ADAM22: variants seen among roughly 807,000 people sequenced by gnomAD.
ADAM22 encodes the protein ADAM metallopeptidase domain 22.
In ADAM22, 65 loss-of-function variants were observed where a neutral mutation model predicts 144.6. The ratio of observed to expected loss-of-function variants is 0.45; its 90% CI spans 0.37 to 0.55. The LOEUF (loss-of-function observed/expected upper bound fraction) is 0.55, where lower values mean the gene tolerates loss of function less well. Ranked by LOEUF, ADAM22 falls within the 20% of genes least tolerant of loss-of-function variation. The probability of loss-of-function intolerance (pLI) is 0.00; values close to 1 mark genes in which losing one functional copy is unlikely to be tolerated. For synonymous variants in ADAM22, 391 were observed against 412.6 expected, an observed-to-expected ratio of 0.95 and a Z score of 0.63; for missense variants, 974 against 1,184.9, an observed-to-expected ratio of 0.82 and a Z score of 2.61.
chr7:88,110,728 C>T lies in ADAM22; in HGVS notation c.473+2470C>T, dbSNP rs534820012. ...TCATTCATTCGTTCATTTGTTCGTT[C>T]GTTCATTCATTCTTTCTTTTGTTCA... On this transcript the variant is annotated intron_variant, in intron 5 of 31. Transcript: ENST00000413139. 4.2e-4 allele frequency among the ~76,000 whole-genome samples: 58 copies of T among 137,532 alleles called. No individual in the cohort carries two copies. In the South Asian group the frequency reaches 5.0e-3, roughly 12 times the overall value. 90.2% of individuals were successfully genotyped at this position (137,532 alleles called of 152,430 possible).
rs761842567 is a variant in ADAM22, at chr7:88,178,890, G to A, written c.2301-45G>A. ...AATATTTGTATATGTCTGTGTTCAT[G>A]TGTGTGTCTTGTTTTCTGACTCTGA... On this transcript the variant is annotated intron_variant, in intron 26 of 31. Transcript: ENST00000413139. 7.1e-6 allele frequency: 9 copies of A among 1,258,750 alleles called. No individual in the cohort carries two copies. In the Admixed American group the frequency reaches 1.0e-4, roughly 15 times the overall value. 78.0% of individuals were successfully genotyped at this position (1,258,750 alleles called of 1,614,324 possible). A position where few individuals can be genotyped will look rare whatever the true frequency, so the allele number is the denominator to read the frequency against.
rs145873771 is a variant in ADAM22, at chr7:87,984,723, C to T, written c.323+6311C>T. 2.3e-3 allele frequency among the ~76,000 whole-genome samples: 346 copies of T among 152,152 alleles called. 3 individuals carry two copies. Among genetic ancestry groups the T allele is most frequent in the African/African-American group, 7.8e-3 (323 of 41,482 alleles). The stretch of plus-strand genomic sequence containing the variant: ...TGAGACAGGTTCTTGCTCTGTTGCC[C>T]AGTCTGGAGTGCAATGGCGTGATCT... On this transcript the variant is annotated intron_variant, in intron 3 of 31. Transcript: ENST00000413139.
chr7:87,954,058 C>A (rs1845983728), intron 2 of ADAM22, among the ~76,000 whole-genome samples: 1 of 152,054 alleles, frequency 6.6e-6, no homozygotes, highest in Admixed American at 6.6e-5. Flanking sequence ...GATGGGTTTC[C>A]TGAATACAGC....
chr7:88,126,271 T>C (rs1390334302), intron 8 of ADAM22, among the ~76,000 whole-genome samples: 1 of 151,988 alleles, frequency 6.6e-6, no homozygotes. Context: ...ACTCGAATCA[T>C]AGAGCTGGTA....
chr7:88,181,450 C>A (rs974555225), intron 27 of ADAM22, 55 bp from the exon 28 acceptor site: 1 of 1,501,746 alleles, frequency 6.7e-7, no homozygotes, highest in Admixed American at 1.7e-5. Context: ...TTACTGATCT[C>A]AAAACATTCA....
chr7:88,196,174 A>C (rs1032826035), intron 31 of ADAM22, among the ~76,000 whole-genome samples: 1 of 152,196 alleles, frequency 6.6e-6, no homozygotes, highest in African/African-American at 2.4e-5. Flanking sequence ...AAATTCTTTT[A>C]TTTCATTTGA....
intron 4 of ADAM22, among the ~76,000 whole-genome samples, chr7:88,103,748 T>C (rs954435272): frequency 2.0e-5 from 3 of 152,156 alleles, no homozygotes; most frequent in African/African-American, 7.2e-5. Flanking sequence ...TTATTGTATA[T>C]AATACTTACT....
intron 3 of ADAM22, among the ~76,000 whole-genome samples, chr7:88,013,618 A>G (rs531117436): frequency 1.3e-5 from 2 of 152,104 alleles, no homozygotes; most frequent in East Asian, 3.9e-4. Context: ...TTATGTAGTC[A>G]GGGTCTTGCT....
intron 26 of ADAM22, among the ~76,000 whole-genome samples, chr7:88,173,714 G>A (rs955722826): frequency 2.6e-5 from 4 of 152,034 alleles, no homozygotes; most frequent in South Asian, 2.1e-4. Flanking sequence ...TTTCTTTGAG[G>A]TTCCATGGTA....
chr7:88,110,590 G>A (rs60532086), intron 5 of ADAM22, among the ~76,000 whole-genome samples: 12,526 of 146,114 alleles, frequency 0.086, 1,104 homozygotes, highest in African/African-American at 0.25. Flanking sequence ...GGCCGGGCAC[G>A]GTGGCTCACC....
intron 4 of ADAM22, among the ~76,000 whole-genome samples, chr7:88,088,915 G>A (rs1428599535): frequency 6.6e-6 from 1 of 151,074 alleles, no homozygotes; most frequent in Non-Finnish European, 1.5e-5. Flanking sequence ...GTTTATATAC[G>A]ATATAGGTTA....
intron 4 of ADAM22, among the ~76,000 whole-genome samples, chr7:88,076,403 G>T (rs1342086873): frequency 6.6e-6 from 1 of 152,102 alleles, no homozygotes; most frequent in Non-Finnish European, 1.5e-5. Context: ...AGTAGTTTTT[G>T]AAATTTGCCT....
At chr7:88,094,069 T>C (rs1820626433) in intron 4 of ADAM22, among the ~76,000 whole-genome samples, 1 of 152,184 alleles carries the variant, frequency 6.6e-6, no homozygotes, top group African/African-American at 2.4e-5. Flanking sequence ...AGTTGAGTGC[T>C]TGCCAGGGGC....
chr7:88,140,407 A>G (rs1486162474), intron 14 of ADAM22, among the ~76,000 whole-genome samples: 2 of 152,178 alleles, frequency 1.3e-5, no homozygotes, highest in African/African-American at 4.8e-5. Flanking sequence ...AACAATTCAT[A>G]ACATTATTAC....
At chr7:88,031,857 A>G (rs1043093746) in intron 3 of ADAM22, among the ~76,000 whole-genome samples, 1 of 152,236 alleles carries the variant, frequency 6.6e-6, no homozygotes, top group Non-Finnish European at 1.5e-5. Context: ...GCTGTGGCTA[A>G]AAGGGCCCCA....
chr7:88,166,598 A>G (rs1842991525), intron 24 of ADAM22, among the ~76,000 whole-genome samples: 1 of 152,192 alleles, frequency 6.6e-6, no homozygotes, highest in Non-Finnish European at 1.5e-5. Flanking sequence ...TTTATACAAG[A>G]TAATGCTCAA....
intron 8 of ADAM22, among the ~76,000 whole-genome samples, chr7:88,126,378 T>C (rs1830398902): frequency 6.6e-6 from 1 of 151,996 alleles, no homozygotes; most frequent in South Asian, 2.1e-4. Flanking sequence ...AAACACAAGA[T>C]GAAGGGAATA....
chr7:88,076,761 G>A (rs1324940376), intron 4 of ADAM22, among the ~76,000 whole-genome samples: 2 of 152,120 alleles, frequency 1.3e-5, no homozygotes, highest in Non-Finnish European at 2.9e-5. Flanking sequence ...CCAAGTGTAG[G>A]GCTTCCTTCT....
At chr7:87,954,877 C>T (rs1584568311) in intron 2 of ADAM22, among the ~76,000 whole-genome samples, 1 of 152,166 alleles carries the variant, frequency 6.6e-6, no homozygotes, top group Non-Finnish European at 1.5e-5. Flanking sequence ...TGTTTCATTT[C>T]ATTCATTTCA....
Sources: gnomAD v4.1 joint callset for allele counts (sites outside exome capture counted in the v4.1 genomes callset) on GRCh38, gnomAD v4.1.1 for gene constraint, MANE v1.5 for transcripts, NCBI Gene and HGNC (gene_info 2026-07-23, HGNC 2026-07-21) for gene names.